The following CHRNA9 variants were observed in gnomAD, a reference collection of about 807,000 sequenced individuals.
The protein encoded by CHRNA9 is neuronal acetylcholine receptor subunit alpha-9.
A neutral mutation model predicts 36.8 loss-of-function variants in CHRNA9; 24 were observed. That is an observed-to-expected ratio of 0.65 (90% CI 0.47 to 0.92). CHRNA9 has a LOEUF of 0.92. Among genes scored for constraint, CHRNA9 ranks in the 40% least tolerant of loss-of-function variants. The probability of loss-of-function intolerance (pLI) is 0.00; values close to 1 mark genes in which losing one functional copy is unlikely to be tolerated. For synonymous variants in CHRNA9, 231 were observed against 231.8 expected (o/e 1.00, Z 0.03); for missense variants, 610 against 601.2 (o/e 1.01, Z -0.15).
chr4:40,353,950 TTC>T, intron 4 of CHRNA9, 27 bp from the exon 5 acceptor site: 1 of 1,554,622 alleles, frequency 6.4e-7, no homozygotes, highest in Non-Finnish European at 8.7e-7. Context: ...TTAAAGCAAA[TTC>T]AGTTACGGTT....
In CHRNA9 at chr4:40,354,263, G is replaced by A. The variant is rs954329700; in HGVS notation, c.1183G>A (p.Asp395Asn). 1 of 1,614,058 alleles carries A rather than the reference G, an allele frequency of 6.2e-7. No individual in the cohort carries two copies. Among genetic ancestry groups the A allele is most frequent in the African/African-American group, 1.3e-5 (1 of 74,920 alleles). ...GAACAAAGACCTTTCCAGAAAGAAGGACATGAACAAACGCTTAAAGAACGA... is the reference window on the plus strand; with the variant it reads ...GAACAAAGACCTTTCCAGAAAGAAGAACATGAACAAACGCTTAAAGAACGA... ...ARNKDLSRKK[D>N]MNKRLKNDLG... Residue 395 changes from aspartate (D) to asparagine (N), a missense_variant, in exon 5 of 5, where the codon GAC becomes AAC. By Grantham distance (23) the Asp-to-Asn change is conservative. Coordinates refer to ENST00000310169, the MANE Select transcript of CHRNA9 (RefSeq NM_017581.4).
At chr4:40,339,656 C>A (rs374936620) in intron 3 of CHRNA9, among the ~76,000 whole-genome samples, 2 of 112,600 alleles carry the variant, frequency 1.8e-5, no homozygotes, top group African/African-American at 3.6e-5. Context: ...GAGCTAGACT[C>A]TATCTCAAAA....
At position 40,349,284 on chromosome 4, in the gene CHRNA9, T is replaced by C; in HGVS notation, c.768T>C (p.Pro256=). ...IPCVLISFLA[P]LSFYLPAASG... ...GCGTCCTCATATCTTTTCTGGCTCC[T>C]CTGAGTTTTTATCTCCCAGCAGCCT... Residue 256 remains proline, a synonymous_variant, in exon 4 of 5, where the codon CCT becomes CCC. Coordinates refer to ENST00000310169, the MANE Select transcript of CHRNA9 (RefSeq NM_017581.4). The C allele has an allele frequency of 6.2e-7, 1 of 1,614,154 alleles. No homozygotes were observed. The highest frequency in any genetic ancestry group is 8.5e-7 in the Non-Finnish European group (1 of 1,180,026).
intron 3 of CHRNA9, among the ~76,000 whole-genome samples, chr4:40,347,331 G>A (rs1043149390): frequency 6.6e-6 from 1 of 152,200 alleles, no homozygotes; most frequent in Non-Finnish European, 1.5e-5. Context: ...GAAAGGGTCA[G>A]TGGATAAATG....
rs147287247 is a variant in CHRNA9, at chr4:40,348,890, A to T, written c.374A>T (p.Asp125Val). The part of the protein sequence containing the change: ...PDIVLYNKAD[D>V]ESSEPVNTNV... ...CCTTATCTGACCTTCAGGGCTGATGATGAATCTTCAGAGCCTGTGAACACC... is the reference window on the plus strand; with the variant it reads ...CCTTATCTGACCTTCAGGGCTGATGTTGAATCTTCAGAGCCTGTGAACACC... The change falls in exon 4 of 5, where the codon GAT becomes GTT. Residue 125 changes from aspartate (D) to valine (V), a missense_variant. Asp to Val is a radical substitution (Grantham distance 152). Transcript: ENST00000310169. 309 of 1,610,866 alleles carry T rather than the reference A, an allele frequency of 1.9e-4. No individual in the cohort carries two copies. Among genetic ancestry groups the T allele is most frequent in the Non-Finnish European group, 2.5e-4 (297 of 1,177,240 alleles).
At chr4:40,345,944 G>A (rs1712625903) in intron 3 of CHRNA9, among the ~76,000 whole-genome samples, 1 of 152,198 alleles carries the variant, frequency 6.6e-6, no homozygotes, top group South Asian at 2.1e-4. Context: ...AGAATTGCTT[G>A]AACCCAGGAG....
In CHRNA9 at chr4:40,339,454, G is replaced by C. The variant is rs532536784; in HGVS notation, c.365+2090G>C. Among the ~76,000 whole-genome samples the C allele has an allele frequency of 2.0e-3, 298 of 150,974 alleles. 3 individuals are homozygous for C. Among genetic ancestry groups the C allele is most frequent in the African/African-American group, 7.0e-3 (288 of 41,202 alleles). ...TCCCAGCACCTTGGGAGGCCGAGGG[G>C]GGCGGATCATGAGGTCAGGAGATCG... On this transcript the variant is annotated intron_variant, in intron 3 of 4. Transcript: ENST00000310169.
chr4:40,343,771 G>C (rs1712563958), intron 3 of CHRNA9, among the ~76,000 whole-genome samples: 1 of 152,230 alleles, frequency 6.6e-6, no homozygotes, highest in Admixed American at 6.5e-5. Flanking sequence ...GTTAGAAACA[G>C]AGGGAAGGGG....
intron 3 of CHRNA9, among the ~76,000 whole-genome samples, chr4:40,343,464 C>G (rs1712556232): frequency 6.6e-6 from 1 of 152,146 alleles, no homozygotes. Context: ...GATTTATTCA[C>G]TATCACAAGA....
At chr4:40,350,023 C>T (rs1485561749) in intron 4 of CHRNA9, 1 of 153,820 alleles carries the variant, frequency 6.5e-6, no homozygotes, top group Non-Finnish European at 1.4e-5. Context: ...AGTGCACACC[C>T]TGGCATATGG....
intron 4 of CHRNA9, among the ~76,000 whole-genome samples, chr4:40,351,062 G>A (rs1712793196): frequency 6.6e-6 from 1 of 151,250 alleles, no homozygotes; most frequent in South Asian, 2.1e-4. Context: ...TGAAGGCCGG[G>A]CTTGGTAGCT....
chr4:40,349,507 T>C, intron 4 of CHRNA9, 93 bp downstream of exon 4: 1 of 1,290,184 alleles, frequency 7.8e-7, no homozygotes. Context: ...CTTGAAAAAA[T>C]GGAGCCAATT....
intron 3 of CHRNA9, among the ~76,000 whole-genome samples, chr4:40,346,648 G>A (rs55927326): frequency 0.14 from 20,960 of 152,042 alleles, 2,945 homozygotes; most frequent in African/African-American, 0.36. Context: ...TGTTATCTTC[G>A]CGAACACTCA....
intron 3 of CHRNA9, among the ~76,000 whole-genome samples, chr4:40,346,551 G>A (rs959373670): frequency 3.3e-5 from 5 of 152,254 alleles, no homozygotes; most frequent in East Asian, 1.9e-4. Flanking sequence ...CTCAGTTCAC[G>A]TCTAATTCTC....
intron 3 of CHRNA9, among the ~76,000 whole-genome samples, chr4:40,342,000 T>G (rs1340939511): frequency 6.6e-6 from 1 of 152,166 alleles, no homozygotes; most frequent in Non-Finnish European, 1.5e-5. Context: ...CCTCCTGCCT[T>G]GGCCTTCTAA....
At position 40,335,887 on chromosome 4, in the gene CHRNA9, A is replaced by G. The variant is rs1395139498; in HGVS notation, c.125A>G (p.Tyr42Cys). ...QKLFNDLFEDYSNALRPVEDT... is the reference protein window; with the variant it reads ...QKLFNDLFEDCSNALRPVEDT... Reference sequence around the variant, plus strand: ...TTGTTTAATGACCTTTTTGAAGATTATTCTAATGCTCTTCGTCCAGTGGAA... The same window carrying G: ...TTGTTTAATGACCTTTTTGAAGATTGTTCTAATGCTCTTCGTCCAGTGGAA... Residue 42 changes from tyrosine (Y) to cysteine (C), a missense_variant, in exon 2 of 5, where the codon TAT (tyrosine) becomes TGT (cysteine). Tyr to Cys is a radical substitution (Grantham distance 194). Transcript: ENST00000310169. 6.2e-7 allele frequency: 1 copy of G among 1,612,150 alleles called. No homozygotes were observed. Among genetic ancestry groups the G allele is most frequent in the Non-Finnish European group, 8.5e-7 (1 of 1,178,172 alleles).
At chr4:40,342,838 G>A (rs1411065930) in intron 3 of CHRNA9, among the ~76,000 whole-genome samples, 2 of 152,132 alleles carry the variant, frequency 1.3e-5, no homozygotes, top group African/African-American at 4.8e-5. Context: ...AGGGGCCAGA[G>A]AGAAGAAGAG....
At chr4:40,353,440 G>A (rs1454881851) in intron 4 of CHRNA9, among the ~76,000 whole-genome samples, 1 of 151,350 alleles carries the variant, frequency 6.6e-6, no homozygotes, top group Admixed American at 6.6e-5. Flanking sequence ...GCAGTGAGCT[G>A]AGATTGCACC....
chr4:40,344,466 G>A (rs1304581299), intron 3 of CHRNA9, among the ~76,000 whole-genome samples: 2 of 151,922 alleles, frequency 1.3e-5, no homozygotes, highest in African/African-American at 2.4e-5. Flanking sequence ...TCCAGGAGAC[G>A]GAGGTTTCAG....
Sources: allele counts gnomAD v4.1 joint callset (sites outside exome capture counted in the v4.1 genomes callset), GRCh38; gene constraint gnomAD v4.1.1; transcripts MANE v1.5; gene names NCBI Gene and HGNC (gene_info 2026-07-23, HGNC 2026-07-21).